The following SLC25A24 variants were observed in gnomAD, a reference collection of about 807,000 sequenced individuals.
The protein encoded by SLC25A24 is mitochondrial adenyl nucleotide antiporter SLC25A24.
A neutral mutation model predicts 60.7 loss-of-function variants in SLC25A24; 49 were observed. The ratio of observed to expected loss-of-function variants is 0.81; its 90% CI spans 0.64 to 1.02. The LOEUF is 1.02. SLC25A24 is among the 50% of genes least tolerant of loss of function. The pLI is 0.00. For missense variants in SLC25A24, 564 were observed against 586.3 expected, an observed-to-expected ratio of 0.96 and a Z score of 0.39; for synonymous variants, 202 against 200.6, an observed-to-expected ratio of 1.01 and a Z score of -0.06.
chr1:108,151,298 C>CTAGT (rs1401258681), intron 6 of SLC25A24, among the ~76,000 whole-genome samples: 1 of 152,142 alleles, frequency 6.6e-6, no homozygotes, highest in East Asian at 1.9e-4. Context: ...TCTCCCTCTT[C>CTAGT]TAGTTTCCTT....
In SLC25A24 at chr1:108,189,303, G is replaced by A. The variant is rs147987035; in HGVS notation, c.184-3349C>T. ...ACTCTCTACAGTTTCAGTTACCTGC[G>A]GTCAATCATGGTCTGAACTATTAAA... is the stretch of plus-strand genomic sequence containing the variant. On this transcript the variant is annotated intron_variant, in intron 1 of 9. Coordinates refer to ENST00000565488, the MANE Select transcript of SLC25A24 (RefSeq NM_013386.5). Among the ~76,000 whole-genome samples the A allele has an allele frequency of 3.5e-3, 540 of 152,138 alleles. 1 individual carries two copies. The highest frequency in any genetic ancestry group is 0.012 in the African/African-American group (501 of 41,512).
intron 7 of SLC25A24, among the ~76,000 whole-genome samples, chr1:108,145,153 C>T (rs544089120): frequency 6.6e-6 from 1 of 152,306 alleles, no homozygotes; most frequent in African/African-American, 2.4e-5. Flanking sequence ...TTTTGATTTG[C>T]ATTTCTCTAA....
rs1165277606 is a variant in SLC25A24 at position 108,136,309 on chromosome 1, C to G, written c.*344G>C. ...AGGAACTGGCATAAACGTAAACCAC[C>G]CGAAATAAAGATTAATGATTTATAA... On this transcript the variant is annotated 3_prime_UTR_variant, in exon 10 of 10. Coordinates refer to ENST00000565488, the MANE Select transcript of SLC25A24 (RefSeq NM_013386.5). The G allele has an allele frequency of 6.1e-6, 1 of 163,704 alleles. No individual in the cohort carries two copies. The highest frequency in any genetic ancestry group is 1.3e-5 in the Non-Finnish European group (1 of 75,994). 10.1% of individuals were successfully genotyped at this position (163,704 alleles called of 1,614,324 possible). A position where few individuals can be genotyped will look rare whatever the true frequency, so the allele number is the denominator to read the frequency against.
At chr1:108,179,389 T>C (rs371384451) in intron 3 of SLC25A24, among the ~76,000 whole-genome samples, 5 of 152,270 alleles carry the variant, frequency 3.3e-5, no homozygotes, top group South Asian at 2.1e-4. Context: ...CACCACTGTA[T>C]GTATGTGTGT....
intron 7 of SLC25A24, among the ~76,000 whole-genome samples, chr1:108,145,639 A>C (rs1214934472): frequency 6.6e-5 from 10 of 152,096 alleles, no homozygotes; most frequent in Non-Finnish European, 1.5e-4. Context: ...ATGGCTAGCC[A>C]GTTTTCCCAA....
Position 108,185,901 on chromosome 1 carries a change from T to G in SLC25A24, c.237A>C (p.Glu79Asp). The change falls in exon 2 of 10, where the codon GAA becomes GAC. Residue 79 changes from glutamate (E) to aspartate (D), a missense_variant. Transcript: ENST00000565488. ...CATGGTCTTTAAGGTACTTCATAAA[T>G]TCTTCAAAATCCAGCTTCCCATCTT... ...VNKDGKLDFEEFMKYLKDHEK... is the reference protein window; with the variant it reads ...VNKDGKLDFEDFMKYLKDHEK... 3 of 1,597,734 alleles carry G rather than the reference T, an allele frequency of 1.9e-6. No homozygotes were observed. Among genetic ancestry groups the G allele is most frequent in the Non-Finnish European group, 2.6e-6 (3 of 1,168,570 alleles).
At chr1:108,187,777 C>T (rs1054148077) in intron 1 of SLC25A24, among the ~76,000 whole-genome samples, 5 of 151,278 alleles carry the variant, frequency 3.3e-5, no homozygotes, top group South Asian at 2.1e-4. Flanking sequence ...TTTTATGAGG[C>T]GGGTATACAC....
intron 1 of SLC25A24, chr1:108,192,778 G>A (rs911874452): frequency 3.0e-6 from 4 of 1,318,030 alleles, no homozygotes; most frequent in South Asian, 1.7e-5. Flanking sequence ...CACCTTCATC[G>A]GTTAAAGCTC....
intron 3 of SLC25A24, among the ~76,000 whole-genome samples, chr1:108,167,292 G>A (rs1181174333): frequency 9.9e-5 from 15 of 151,810 alleles, no homozygotes. Flanking sequence ...AGGCAGGCAG[G>A]CCTCCTTGAG....
At chr1:108,150,236 G>A (rs1460463491) in intron 6 of SLC25A24, among the ~76,000 whole-genome samples, 1 of 152,138 alleles carries the variant, frequency 6.6e-6, no homozygotes, top group African/African-American at 2.4e-5. Flanking sequence ...AAGGATAAGT[G>A]CTTGAGGCTC....
At chr1:108,136,933 G>T in intron 9 of SLC25A24, 96 bp from the exon 10 acceptor site, 1 of 1,154,604 alleles carries the variant, frequency 8.7e-7, no homozygotes, top group Non-Finnish European at 1.2e-6. Flanking sequence ...CTAAAATACA[G>T]TAAAAGGACA....
At position 108,155,014 on chromosome 1, in the gene SLC25A24, T is replaced by C; in HGVS notation, c.791A>G (p.Glu264Gly). The change falls in exon 6 of 10, where the codon GAG becomes GGG. Residue 264 changes from glutamate to glycine, a missense_variant. Coordinates refer to ENST00000565488, the MANE Select transcript of SLC25A24 (RefSeq NM_013386.5). Reference protein sequence around the residue: ...NGTNVIKIAPETAVKFWAYEQ... With the variant: ...NGTNVIKIAPGTAVKFWAYEQ... ...ATATGCCCAGAATTTAACAGCTGTC[T>C]CAGGAGCAATTTTGATGACGTTTGT... 1 of 1,609,038 alleles carries C rather than the reference T, an allele frequency of 6.2e-7. No homozygotes were observed. The highest frequency in any genetic ancestry group is 8.5e-7 in the Non-Finnish European group (1 of 1,177,794).
At chr1:108,163,244 G>A (rs1421171682) in intron 3 of SLC25A24, among the ~76,000 whole-genome samples, 1 of 106,010 alleles carries the variant, frequency 9.4e-6, no homozygotes, top group Non-Finnish European at 1.9e-5. Flanking sequence ...CTCCAGCTTT[G>A]TTCTTTTGGC....
At chr1:108,163,533 A>G (rs536192924) in intron 3 of SLC25A24, among the ~76,000 whole-genome samples, 1 of 151,920 alleles carries the variant, frequency 6.6e-6, no homozygotes, top group Admixed American at 6.6e-5. Context: ...TTGGATTCCT[A>G]GGTATTTTAT....
At position 108,173,378 on chromosome 1, in the gene SLC25A24, C is replaced by T. The variant is rs568251913; in HGVS notation, c.398+8563G>A. On this transcript the variant is annotated intron_variant, in intron 3 of 9. Coordinates refer to ENST00000565488, the MANE Select transcript of SLC25A24 (RefSeq NM_013386.5). The stretch of plus-strand genomic sequence containing the variant: ...AGGGCTTTTCCCTCTTTGCTCAGCA[C>T]TTCTTCTTCCTGCCACCATGTGAAG... 3.3e-5 allele frequency among the ~76,000 whole-genome samples: 5 copies of T among 152,316 alleles called. No homozygotes were observed. In the South Asian group the frequency reaches 1.0e-3, roughly 32 times the overall value.
chr1:108,138,479 TAA>T (rs1296781151), intron 9 of SLC25A24, among the ~76,000 whole-genome samples: 3 of 152,080 alleles, frequency 2.0e-5, no homozygotes, highest in Non-Finnish European at 4.4e-5. Flanking sequence ...CAGCAAATGG[TAA>T]AAGTTATCAA....
chr1:108,148,688 A>C (rs991779267), intron 6 of SLC25A24, among the ~76,000 whole-genome samples: 5 of 152,180 alleles, frequency 3.3e-5, no homozygotes, highest in African/African-American at 4.8e-5. Flanking sequence ...ACTAGAAATC[A>C]AACTGGCTTG....
At chr1:108,146,991 A>C (rs183904421) in intron 7 of SLC25A24, among the ~76,000 whole-genome samples, 1 of 152,228 alleles carries the variant, frequency 6.6e-6, no homozygotes, top group Admixed American at 6.5e-5. Context: ...AAGGAATGGC[A>C]TCAGCTCCTC....
chr1:108,139,326 T>C, intron 8 of SLC25A24, 118 bp from the exon 9 acceptor site: 2 of 1,057,540 alleles, frequency 1.9e-6, no homozygotes, highest in African/African-American at 1.6e-5. Context: ...GGCCACGCAT[T>C]TGCAGAAGCA....
Sources: allele counts gnomAD v4.1 joint callset (sites outside exome capture counted in the v4.1 genomes callset), GRCh38; gene constraint gnomAD v4.1.1; transcripts MANE v1.5; gene names NCBI Gene and HGNC (gene_info 2026-07-23, HGNC 2026-07-21).